Variants in CDK14 observed in about 807,000 individuals in gnomAD.
The protein encoded by CDK14 is cyclin dependent kinase 14.
In CDK14, 34 loss-of-function variants were observed where a neutral mutation model predicts 60.7. The ratio of observed to expected loss-of-function variants is 0.56; its 90% CI spans 0.43 to 0.75. CDK14 has a LOEUF of 0.75. Among genes scored for constraint, CDK14 ranks in the 30% least tolerant of loss-of-function variants. The pLI, the probability that CDK14 is intolerant of heterozygous loss-of-function variation, is 0.00. For missense variants in CDK14, 482 were observed against 564.1 expected, an observed-to-expected ratio of 0.85 and a Z score of 1.47; for synonymous variants, 197 against 203.7, an observed-to-expected ratio of 0.97 and a Z score of 0.28.
chr7:90,976,681 A>C (rs138209445), intron 9 of CDK14, among the ~76,000 whole-genome samples: 1 of 152,156 alleles, frequency 6.6e-6, no homozygotes, highest in East Asian at 1.9e-4. Context: ...CCCATTTTTA[A>C]ATAAGATTGA....
At chr7:90,611,897 A>G (rs1799546038) in intron 2 of CDK14, among the ~76,000 whole-genome samples, 1 of 149,746 alleles carries the variant, frequency 6.7e-6, no homozygotes, top group African/African-American at 2.5e-5. Context: ...CAGTGGCGCA[A>G]TCTCGGCTCA....
chr7:91,123,246 A>G (rs1799837626), intron 14 of CDK14, among the ~76,000 whole-genome samples: 1 of 152,186 alleles, frequency 6.6e-6, no homozygotes, highest in Non-Finnish European at 1.5e-5. Flanking sequence ...TGTTAGATCT[A>G]GGTTTCTTTC....
chr7:90,966,840 T>C (rs1159013077), intron 9 of CDK14, among the ~76,000 whole-genome samples: 2 of 152,312 alleles, frequency 1.3e-5, no homozygotes, highest in East Asian at 3.9e-4. Flanking sequence ...TGACTATAAC[T>C]TGAAGCTGTA....
intron 14 of CDK14, among the ~76,000 whole-genome samples, chr7:91,167,841 A>G (rs775277785): frequency 6.6e-6 from 1 of 152,266 alleles, no homozygotes; most frequent in African/African-American, 2.4e-5. Context: ...CACATAGGGT[A>G]AAAAATGAAA....
intron 9 of CDK14, among the ~76,000 whole-genome samples, chr7:90,973,017 A>C (rs541921573): frequency 6.6e-6 from 1 of 152,256 alleles, no homozygotes; most frequent in South Asian, 2.1e-4. Context: ...TTTTGGAAGG[A>C]TACATAGGAT....
chr7:90,903,828 G>A (rs1274638775), intron 7 of CDK14, among the ~76,000 whole-genome samples: 1 of 152,100 alleles, frequency 6.6e-6, no homozygotes, highest in Non-Finnish European at 1.5e-5. Flanking sequence ...CCCAAAATAT[G>A]TACAAATAGT....
intron 2 of CDK14, among the ~76,000 whole-genome samples, chr7:90,604,831 G>C (rs1799384400): frequency 6.6e-6 from 1 of 152,162 alleles, no homozygotes; most frequent in African/African-American, 2.4e-5. Context: ...TTTTAAAATT[G>C]CAGTCATTCC....
intron 9 of CDK14, among the ~76,000 whole-genome samples, chr7:90,972,187 A>C (rs1460806484): frequency 6.6e-6 from 1 of 152,136 alleles, no homozygotes; most frequent in Non-Finnish European, 1.5e-5. Flanking sequence ...TTATATTTTC[A>C]TTCCTTAAGA....
chr7:90,692,463 A>T (rs2116589319), intron 2 of CDK14, among the ~76,000 whole-genome samples: 1 of 152,290 alleles, frequency 6.6e-6, no homozygotes, highest in Non-Finnish European at 1.5e-5. Context: ...GTCTTGTAGG[A>T]GTTTTTAATT....
At chr7:91,016,688 G>T (rs1473578300) in intron 10 of CDK14, among the ~76,000 whole-genome samples, 2 of 152,188 alleles carry the variant, frequency 1.3e-5, no homozygotes, top group African/African-American at 4.8e-5. Context: ...TGACCTTGCT[G>T]TGGCAAATCC....
chr7:90,895,558 C>G (rs1271987361), intron 6 of CDK14, among the ~76,000 whole-genome samples: 1 of 96,110 alleles, frequency 1.0e-5, no homozygotes, highest in Non-Finnish European at 2.1e-5. Context: ...CCCCTCTCCT[C>G]CCCTCCCCTC....
chr7:90,649,431 TTC>T (rs368708660), intron 2 of CDK14, among the ~76,000 whole-genome samples: 1,643 of 80,704 alleles, frequency 0.02, 266 homozygotes, highest in East Asian at 0.14. Flanking sequence ...CCTTCTTTCT[TTC>T]TCTTTCCTTC....
At chr7:90,693,453 C>G (rs974673655) in intron 2 of CDK14, among the ~76,000 whole-genome samples, 1 of 152,160 alleles carries the variant, frequency 6.6e-6, no homozygotes, top group Non-Finnish European at 1.5e-5. Context: ...TACCTTGTGT[C>G]TTTATAATGA....
chr7:90,734,377 TCTC>T (rs1043881024), intron 3 of CDK14, among the ~76,000 whole-genome samples: 41 of 152,272 alleles, frequency 2.7e-4, no homozygotes, highest in African/African-American at 9.4e-4. Flanking sequence ...TTGGGGAAGT[TCTC>T]CTGGATGATA....
chr7:90,623,127 C>T (rs780074220), intron 2 of CDK14, among the ~76,000 whole-genome samples: 52 of 151,186 alleles, frequency 3.4e-4, no homozygotes, highest in Non-Finnish European at 6.5e-4. Context: ...TTTTTGTTGT[C>T]TTTGTCTTCC....
At chr7:90,763,183 T>G (rs527981050) in intron 4 of CDK14, among the ~76,000 whole-genome samples, 12 of 152,086 alleles carry the variant, frequency 7.9e-5, no homozygotes, top group Non-Finnish European at 1.6e-4. Context: ...AACTGAAAGG[T>G]GAAATGGACA....
At chr7:90,837,491 A>T (rs1011885626) in intron 5 of CDK14, among the ~76,000 whole-genome samples, 2 of 152,090 alleles carry the variant, frequency 1.3e-5, no homozygotes, top group Non-Finnish European at 2.9e-5. Context: ...AATTCTAGAC[A>T]GCAGAATGAT....
chr7:91,103,178 A>C (rs1799192151), intron 12 of CDK14, among the ~76,000 whole-genome samples: 1 of 152,080 alleles, frequency 6.6e-6, no homozygotes, highest in Non-Finnish European at 1.5e-5. Flanking sequence ...GCTGGAACCC[A>C]GTAGGCAGAG....
At chr7:91,059,141 G>A (rs1477547787) in intron 11 of CDK14, among the ~76,000 whole-genome samples, 7 of 152,052 alleles carry the variant, frequency 4.6e-5, no homozygotes, top group African/African-American at 7.2e-5. Flanking sequence ...GGGAGGGTGT[G>A]TGTGTCTAGG....
Sources: allele counts gnomAD v4.1 joint callset (sites outside exome capture counted in the v4.1 genomes callset), GRCh38; gene constraint gnomAD v4.1.1; transcripts MANE v1.5; gene names NCBI Gene and HGNC (gene_info 2026-07-23, HGNC 2026-07-21).